Variants in GOLM2 observed in about 807,000 individuals in gnomAD.
GOLM2 encodes the protein protein GOLM2.
Under a neutral mutation model 55.9 loss-of-function variants are expected in GOLM2, and 26 were observed. That is an observed-to-expected ratio of 0.47 (90% CI 0.34 to 0.65). The LOEUF (loss-of-function observed/expected upper bound fraction) is 0.65. Ranked by LOEUF, GOLM2 falls within the 30% of genes least tolerant of loss-of-function variation. The probability of loss-of-function intolerance (pLI) is 0.01; values close to 1 mark genes in which losing one functional copy is unlikely to be tolerated. For synonymous variants in GOLM2, 165 were observed against 194.6 expected (o/e 0.85, Z 1.27); for missense variants, 486 against 531.8 (o/e 0.91, Z 0.85).
At chr15:44,299,638 C>T (rs979727636) in intron 1 of GOLM2, among the ~76,000 whole-genome samples, 3 of 152,054 alleles carry the variant, frequency 2.0e-5, no homozygotes, top group Non-Finnish European at 2.9e-5. Context: ...TGGAGTCAAA[C>T]AGACTTGAGT....
chr15:44,299,340 TG>T (rs532565186), intron 1 of GOLM2, among the ~76,000 whole-genome samples: 30 of 151,966 alleles, frequency 2.0e-4, no homozygotes, highest in African/African-American at 7.0e-4. Flanking sequence ...TCGCCCAGGC[TG>T]GAGTGCAGTG....
At chr15:44,355,970 T>G (rs911054739) in intron 6 of GOLM2, among the ~76,000 whole-genome samples, 12 of 152,150 alleles carry the variant, frequency 7.9e-5, no homozygotes, top group African/African-American at 2.9e-4. Context: ...AACAACTATT[T>G]CTGAATAATG....
chr15:44,322,854 T>G (rs987775924), intron 1 of GOLM2, 111 bp from the exon 2 acceptor site: 1 of 656,714 alleles, frequency 1.5e-6, no homozygotes, highest in African/African-American at 1.9e-5. Context: ...TATAAATAAA[T>G]AACCAGAGTT....
At chr15:44,357,023 C>G (rs955598042) in intron 6 of GOLM2, among the ~76,000 whole-genome samples, 6 of 151,784 alleles carry the variant, frequency 4.0e-5, no homozygotes, top group African/African-American at 1.2e-4. Context: ...AATACAAAAA[C>G]TAGCCAGGTG....
chr15:44,321,494 G>A (rs1481015649), intron 1 of GOLM2, among the ~76,000 whole-genome samples: 1 of 149,734 alleles, frequency 6.7e-6, no homozygotes, highest in African/African-American at 2.5e-5. Context: ...AGGGGGGGTG[G>A]GGGGATAGCA....
chr15:44,302,161 T>A (rs1035866242), intron 1 of GOLM2, among the ~76,000 whole-genome samples: 10 of 151,744 alleles, frequency 6.6e-5, no homozygotes, highest in African/African-American at 1.9e-4. Context: ...TTTTTTTTTT[T>A]TGAGATGGAG....
chr15:44,355,094 T>A (rs1256661924), intron 6 of GOLM2: 1 of 174,592 alleles, frequency 5.7e-6, no homozygotes, highest in Non-Finnish European at 1.2e-5. Flanking sequence ...GCATGAACCA[T>A]GAGAAGTACG....
At chr15:44,348,232 C>T (rs891794502) in intron 6 of GOLM2, among the ~76,000 whole-genome samples, 9 of 152,042 alleles carry the variant, frequency 5.9e-5, no homozygotes, top group Admixed American at 1.3e-4. Context: ...GGAAGAGTAC[C>T]AAATGGGCTC....
intron 1 of GOLM2, among the ~76,000 whole-genome samples, chr15:44,311,774 C>G (rs1411067991): frequency 1.3e-5 from 2 of 152,072 alleles, no homozygotes; most frequent in Non-Finnish European, 2.9e-5. Flanking sequence ...CTCAGCCTCC[C>G]AAGTAGCTGG....
intron 2 of GOLM2, among the ~76,000 whole-genome samples, chr15:44,325,944 T>C (rs2078977851): frequency 6.6e-6 from 1 of 152,116 alleles, no homozygotes; most frequent in South Asian, 2.1e-4. Context: ...CAACCATGTT[T>C]ACATATTGGA....
At chr15:44,351,734 GCATACTAAATCAA>G (rs1433267016) in intron 6 of GOLM2, among the ~76,000 whole-genome samples, 2 of 151,982 alleles carry the variant, frequency 1.3e-5, no homozygotes, top group African/African-American at 4.8e-5. Context: ...TAAAGTTGCA[GCATACTAAATCAA>G]CATACAGAAA....
chr15:44,372,746 C>G (rs1158082583), intron 6 of GOLM2, among the ~76,000 whole-genome samples: 1 of 152,158 alleles, frequency 6.6e-6, no homozygotes, highest in Non-Finnish European at 1.5e-5. Flanking sequence ...ACCTAGCCAC[C>G]TATTCTTAAA....
At chr15:44,337,153 C>T (rs1029669516) in intron 4 of GOLM2, among the ~76,000 whole-genome samples, 2 of 151,994 alleles carry the variant, frequency 1.3e-5, no homozygotes, top group Non-Finnish European at 2.9e-5. Flanking sequence ...TAATACTGGT[C>T]CACCAAGAGA....
intron 8 of GOLM2, among the ~76,000 whole-genome samples, chr15:44,396,089 T>C (rs2079524579): frequency 6.6e-6 from 1 of 152,136 alleles, no homozygotes; most frequent in Non-Finnish European, 1.5e-5. Context: ...GTGTGGTGGC[T>C]CATGACTGTA....
chr15:44,308,849 G>A (rs1332750099), intron 1 of GOLM2, among the ~76,000 whole-genome samples: 1 of 152,134 alleles, frequency 6.6e-6, no homozygotes, highest in Non-Finnish European at 1.5e-5. Context: ...GAGTCAAAAG[G>A]TACCTACAGA....
intron 1 of GOLM2, among the ~76,000 whole-genome samples, chr15:44,321,428 A>G (rs1317841685): frequency 7.8e-6 from 1 of 128,434 alleles, no homozygotes; most frequent in African/African-American, 2.9e-5. Flanking sequence ...CTGTTTTGCC[A>G]CTGCACTCCA....
chr15:44,334,888 G>T (rs7164869), intron 4 of GOLM2, among the ~76,000 whole-genome samples: 4,136 of 152,172 alleles, frequency 0.027, 196 homozygotes, highest in African/African-American at 0.095. Flanking sequence ...AAAGTTATCC[G>T]GGCATGGTGG....
chr15:44,406,986 G>C (rs1460156815), intron 9 of GOLM2: 1 of 150,828 alleles, frequency 6.6e-6, no homozygotes, highest in Admixed American at 6.6e-5. Flanking sequence ...TACTTGTAGA[G>C]TGTTTTGTAG....
chr15:44,325,260 G>A (rs917355404), intron 2 of GOLM2, among the ~76,000 whole-genome samples: 2 of 151,998 alleles, frequency 1.3e-5, no homozygotes, highest in African/African-American at 4.8e-5. Flanking sequence ...TTACCTCCCT[G>A]CTTTATGATC....
Sources: gnomAD v4.1 joint callset for allele counts (sites outside exome capture counted in the v4.1 genomes callset) on GRCh38, gnomAD v4.1.1 for gene constraint, MANE v1.5 for transcripts, NCBI Gene and HGNC (gene_info 2026-07-23, HGNC 2026-07-21) for gene names.